The following LINGO2 variants were observed in gnomAD, a reference collection of about 807,000 sequenced individuals.
The protein encoded by LINGO2 is leucine rich repeat and Ig domain containing 2.
Under a neutral mutation model 30.6 loss-of-function variants are expected in LINGO2, and 14 were observed. The ratio of observed to expected loss-of-function variants is 0.46; its 90% CI spans 0.30 to 0.72. The LOEUF (loss-of-function observed/expected upper bound fraction) is 0.72, where lower values mean the gene tolerates loss of function less well. Among genes scored for constraint, LINGO2 ranks in the 30% least tolerant of loss-of-function variants. LINGO2 has a pLI of 0.07. For synonymous variants in LINGO2, 317 were observed against 288.5 expected (o/e 1.10, Z -1.00); for missense variants, 729 against 751.7 (o/e 0.97, Z 0.35).
the LINGO2 span, among the ~76,000 whole-genome samples, chr9:28,839,498 C>T: frequency 5.9e-5 from 9 of 152,150 alleles, no homozygotes; most frequent in African/African-American, 1.9e-4. Flanking sequence ...GAGAGGAGAC[C>T]AGGAGTGGGT....
At chr9:29,037,335 T>C in the LINGO2 span, among the ~76,000 whole-genome samples, 1 of 151,932 alleles carries the variant, frequency 6.6e-6, no homozygotes, top group Admixed American at 6.6e-5. Flanking sequence ...AAATTTTATA[T>C]GTTATGAATA....
At chr9:28,923,516 T>C in the LINGO2 span, among the ~76,000 whole-genome samples, 3 of 152,192 alleles carry the variant, frequency 2.0e-5, no homozygotes, top group Admixed American at 6.5e-5. Context: ...CAAAAATCTT[T>C]TGCCAAGTAT....
chr9:28,288,206 T>C (rs1823588179), intron 4 of LINGO2, among the ~76,000 whole-genome samples: 1 of 152,166 alleles, frequency 6.6e-6, no homozygotes, highest in African/African-American at 2.4e-5. Context: ...GTCTAGCCAC[T>C]ACCGATACAT....
At chr9:28,641,430 A>G (rs992657690) in intron 1 of LINGO2, among the ~76,000 whole-genome samples, 3 of 152,164 alleles carry the variant, frequency 2.0e-5, no homozygotes, top group African/African-American at 7.2e-5. Context: ...CACATCACCT[A>G]CTACAGAAAA....
At chr9:28,958,730 G>A in the LINGO2 span, among the ~76,000 whole-genome samples, 1 of 152,020 alleles carries the variant, frequency 6.6e-6, no homozygotes, top group African/African-American at 2.4e-5. Context: ...GAGAGAAGGG[G>A]AGAAGAAGGG....
intron 4 of LINGO2, among the ~76,000 whole-genome samples, chr9:28,201,306 C>T (rs2133821579): frequency 6.9e-6 from 1 of 144,500 alleles, no homozygotes; most frequent in African/African-American, 2.6e-5. Context: ...TCAATTCCCA[C>T]CTATGAGTGA....
At chr9:28,274,340 AT>A (rs1203230704) in intron 4 of LINGO2, among the ~76,000 whole-genome samples, 2 of 152,048 alleles carry the variant, frequency 1.3e-5, no homozygotes, top group South Asian at 2.1e-4. Context: ...ATGAGCACAT[AT>A]TTTTTTGCTT....
chr9:28,847,228 C>A, the LINGO2 span, among the ~76,000 whole-genome samples: 3 of 148,430 alleles, frequency 2.0e-5, no homozygotes, highest in Non-Finnish European at 4.5e-5. Context: ...CACAGGCCTA[C>A]AGGCCTTGGT....
chr9:28,566,393 AAAC>A (rs1823384497), intron 1 of LINGO2, among the ~76,000 whole-genome samples: 1 of 152,190 alleles, frequency 6.6e-6, no homozygotes, highest in Admixed American at 6.5e-5. Flanking sequence ...AACAACTTTA[AAAC>A]AACTTTTCAG....
chr9:28,909,698 T>C, the LINGO2 span, among the ~76,000 whole-genome samples: 1 of 152,034 alleles, frequency 6.6e-6, no homozygotes, highest in African/African-American at 2.4e-5. Context: ...AACTTTTTTC[T>C]CCTGGTGTGA....
At chr9:29,178,796 T>C in the LINGO2 span, among the ~76,000 whole-genome samples, 1 of 151,842 alleles carries the variant, frequency 6.6e-6, no homozygotes, top group Admixed American at 6.6e-5. Flanking sequence ...AAGGAAACAG[T>C]AAAACCCAGA....
At chr9:28,138,138 G>A (rs188837941) in intron 4 of LINGO2, among the ~76,000 whole-genome samples, 3 of 152,232 alleles carry the variant, frequency 2.0e-5, no homozygotes, top group Non-Finnish European at 2.9e-5. Flanking sequence ...AAAAGTAATC[G>A]GTGGCCAAGG....
At chr9:28,857,562 T>G in the LINGO2 span, among the ~76,000 whole-genome samples, 1 of 152,036 alleles carries the variant, frequency 6.6e-6, no homozygotes, top group African/African-American at 2.4e-5. Flanking sequence ...TGACAGGTAC[T>G]TTAGGCAGAT....
the LINGO2 span, among the ~76,000 whole-genome samples, chr9:28,788,834 T>C: frequency 6.6e-6 from 1 of 151,962 alleles, no homozygotes; most frequent in Non-Finnish European, 1.5e-5. Flanking sequence ...TTGTGGGGAG[T>C]ATGGGGATTA....
At chr9:28,804,694 A>G in the LINGO2 span, among the ~76,000 whole-genome samples, 1 of 152,098 alleles carries the variant, frequency 6.6e-6, no homozygotes, top group African/African-American at 2.4e-5. Context: ...CCTAAAATCC[A>G]ATTCTTTTCA....
chr9:28,072,765 T>A (rs536641837), intron 4 of LINGO2, among the ~76,000 whole-genome samples: 1 of 152,208 alleles, frequency 6.6e-6, no homozygotes, highest in Admixed American at 6.5e-5. Flanking sequence ...CAAACATTAT[T>A]GCTGAGGGCC....
At chr9:28,176,914 T>A (rs1828766183) in intron 4 of LINGO2, among the ~76,000 whole-genome samples, 1 of 152,184 alleles carries the variant, frequency 6.6e-6, no homozygotes, top group Non-Finnish European at 1.5e-5. Context: ...TCCTGACAAC[T>A]TCCTATACGA....
intron 4 of LINGO2, among the ~76,000 whole-genome samples, chr9:28,021,224 C>T (rs1823105204): frequency 6.6e-6 from 1 of 151,882 alleles, no homozygotes; most frequent in East Asian, 1.9e-4. Flanking sequence ...GTAGTATTTT[C>T]GTTTTCATTT....
At chr9:28,968,554 T>G in the LINGO2 span, among the ~76,000 whole-genome samples, 1 of 152,184 alleles carries the variant, frequency 6.6e-6, no homozygotes, top group Non-Finnish European at 1.5e-5. Flanking sequence ...TTCACTTTTG[T>G]ACTTCAAAAG....
Sources: allele counts gnomAD v4.1 joint callset (sites outside exome capture counted in the v4.1 genomes callset), GRCh38; gene constraint gnomAD v4.1.1; transcripts MANE v1.5; gene names NCBI Gene and HGNC (gene_info 2026-07-23, HGNC 2026-07-21).